Variants in OXR1 observed in about 807,000 individuals in gnomAD.
OXR1 encodes the protein oxidation resistance 1.
A neutral mutation model predicts 104.6 loss-of-function variants in OXR1; 41 were observed. That is an observed-to-expected ratio of 0.39 (90% CI 0.31 to 0.51). The LOEUF (loss-of-function observed/expected upper bound fraction) is 0.51, where lower values mean the gene tolerates loss of function less well. OXR1 is among the 20% of genes least tolerant of loss of function. The pLI, the probability that OXR1 is intolerant of heterozygous loss-of-function variation, is 0.77. For missense variants in OXR1, 955 were observed against 1,031.9 expected, an observed-to-expected ratio of 0.93 and a Z score of 1.02; for synonymous variants, 348 against 348.4, an observed-to-expected ratio of 1.00 and a Z score of 0.01.
intron 5 of OXR1, 89 bp from the exon 6 acceptor site, chr8:106,684,157 G>A (rs1010587264): frequency 3.1e-5 from 19 of 603,524 alleles, no homozygotes; most frequent in Non-Finnish European, 5.3e-5. Context: ...TGTTTAATTG[G>A]TAATTGTTAA....
chr8:106,415,477 T>C (rs1818631531), intron 2 of OXR1, among the ~76,000 whole-genome samples: 1 of 150,678 alleles, frequency 6.6e-6, no homozygotes, highest in African/African-American at 2.4e-5. Context: ...TCCTTTACCA[T>C]TTGGTAATTT....
intron 3 of OXR1, among the ~76,000 whole-genome samples, chr8:106,553,078 GA>G (rs989519515): frequency 1.3e-5 from 2 of 151,764 alleles, no homozygotes. Flanking sequence ...ACCAAAGAGA[GA>G]AAAAAAATTG....
At chr8:106,608,620 G>A (rs60089085) in intron 3 of OXR1, among the ~76,000 whole-genome samples, 1,839 of 152,278 alleles carry the variant, frequency 0.012, 47 homozygotes, top group African/African-American at 0.041. Flanking sequence ...TTGAGTCACA[G>A]TAAGTTAGAG....
At chr8:106,702,193 C>CCCA (rs1830643015) in intron 7 of OXR1, among the ~76,000 whole-genome samples, 1 of 152,166 alleles carries the variant, frequency 6.6e-6, no homozygotes, top group Admixed American at 6.5e-5. Flanking sequence ...CTCCTGGCCT[C>CCCA]AAGTGATCCA....
intron 1 of OXR1, among the ~76,000 whole-genome samples, chr8:106,356,057 G>A (rs1815955059): frequency 6.6e-6 from 1 of 152,152 alleles, no homozygotes; most frequent in South Asian, 2.1e-4. Flanking sequence ...TTGCAGAAAA[G>A]TTCTAGAGGA....
chr8:106,442,828 G>A (rs1010473242), intron 2 of OXR1, among the ~76,000 whole-genome samples: 21 of 151,872 alleles, frequency 1.4e-4, no homozygotes, highest in Admixed American at 7.9e-4. Context: ...TCTAGCTATC[G>A]GTCTATCTAT....
At chr8:106,635,386 A>ATT (rs1335907031) in intron 3 of OXR1, among the ~76,000 whole-genome samples, 1 of 152,130 alleles carries the variant, frequency 6.6e-6, no homozygotes, top group Non-Finnish European at 1.5e-5. Context: ...CTTTTCATAA[A>ATT]TTTGTTTTTA....
intron 1 of OXR1, among the ~76,000 whole-genome samples, chr8:106,280,400 C>A (rs1271686301): frequency 6.6e-6 from 1 of 152,124 alleles, no homozygotes; most frequent in African/African-American, 2.4e-5. Context: ...TGGGGAAAAT[C>A]TGCTTCATGC....
chr8:106,297,135 A>G lies in OXR1; in HGVS notation c.-139+26768A>G, dbSNP rs147856349. Among the ~76,000 whole-genome samples the G allele has an allele frequency of 6.6e-4, 101 of 152,298 alleles. 1 individual carries two copies. The highest frequency in any genetic ancestry group is 5.2e-3 in the Admixed American group (80 of 15,288). Reference sequence around the variant, plus strand: ...ATTATGAATACAGTAATCTGTATATAGCAATCCGTGTGGCTGATTACTCAT... The same window carrying G: ...ATTATGAATACAGTAATCTGTATATGGCAATCCGTGTGGCTGATTACTCAT... On this transcript the variant is annotated intron_variant, in intron 1 of 16. Transcript: ENST00000517566.
chr8:106,680,738 T>A (rs1563698922), intron 4 of OXR1, among the ~76,000 whole-genome samples: 1 of 152,210 alleles, frequency 6.6e-6, no homozygotes, highest in Non-Finnish European at 1.5e-5. Context: ...AAACTTTTTT[T>A]CTATCCCTCC....
intron 3 of OXR1, among the ~76,000 whole-genome samples, chr8:106,630,083 CTT>C (rs1442897721): frequency 2.0e-5 from 3 of 152,070 alleles, no homozygotes; most frequent in Non-Finnish European, 2.9e-5. Flanking sequence ...TGTGGCTTAG[CTT>C]TCTCTGGGAG....
At chr8:106,665,313 A>G (rs1195974979) in intron 3 of OXR1, among the ~76,000 whole-genome samples, 3 of 152,214 alleles carry the variant, frequency 2.0e-5, no homozygotes, top group Admixed American at 6.5e-5. Context: ...GTACCTGGAG[A>G]AAACCTATAC....
intron 2 of OXR1, among the ~76,000 whole-genome samples, chr8:106,408,800 G>T (rs548840508): frequency 6.6e-6 from 1 of 152,296 alleles, no homozygotes; most frequent in African/African-American, 2.4e-5. Context: ...CTAGGTGACT[G>T]CCTGGCTCTA....
chr8:106,340,219 A>G (rs1815185074), intron 1 of OXR1, among the ~76,000 whole-genome samples: 1 of 128,904 alleles, frequency 7.8e-6, no homozygotes, highest in Non-Finnish European at 1.6e-5. Flanking sequence ...GTGAGGGAAA[A>G]GAAAAAAAAA....
chr8:106,736,886 G>A (rs892883885), intron 11 of OXR1, among the ~76,000 whole-genome samples: 3 of 152,080 alleles, frequency 2.0e-5, no homozygotes, highest in African/African-American at 4.8e-5. Context: ...GTCATTTAAA[G>A]GGCTGAAGCA....
chr8:106,340,194 GTGATTGGAACAGT>G (rs796951034), intron 1 of OXR1, among the ~76,000 whole-genome samples: 51 of 148,716 alleles, frequency 3.4e-4, no homozygotes, highest in African/African-American at 1.3e-3. Flanking sequence ...CTGATAGGAT[GTGATTGGAACAGT>G]TGTGAGGGAA....
chr8:106,592,739 G>C (rs529474232), intron 3 of OXR1, among the ~76,000 whole-genome samples: 1 of 152,170 alleles, frequency 6.6e-6, no homozygotes, highest in Admixed American at 6.5e-5. Flanking sequence ...GCAGAGGCCA[G>C]GTCATGGTAG....
At chr8:106,599,859 G>A (rs1819830079) in intron 3 of OXR1, among the ~76,000 whole-genome samples, 1 of 152,118 alleles carries the variant, frequency 6.6e-6, no homozygotes, top group African/African-American at 2.4e-5. Flanking sequence ...TTGGGGAGAT[G>A]GTTTCTGGAT....
In OXR1 at chr8:106,737,609, T is replaced by C; in HGVS notation, c.2037+9T>C. On this transcript the variant is annotated intron_variant, in intron 12 of 16. Transcript: ENST00000517566. ...TCTGCAGACGCCTCCAGGTGCCCCCTTCAGTAGTTTAAACCCCTCCAGAGA... is the reference window on the plus strand; with the variant it reads ...TCTGCAGACGCCTCCAGGTGCCCCCCTCAGTAGTTTAAACCCCTCCAGAGA... 7.6e-7 allele frequency: 1 copy of C among 1,321,040 alleles called. No homozygotes were observed. Among genetic ancestry groups the C allele is most frequent in the African/African-American group, 1.5e-5 (1 of 67,684 alleles). The allele number at this position is 1,321,040 out of a possible 1,614,324, so 81.8% of individuals were successfully genotyped here. A position where few individuals can be genotyped will look rare whatever the true frequency, so the allele number is the denominator to read the frequency against.
Sources: gnomAD v4.1 joint callset for allele counts (sites outside exome capture counted in the v4.1 genomes callset) on GRCh38, gnomAD v4.1.1 for gene constraint, MANE v1.5 for transcripts, NCBI Gene and HGNC (gene_info 2026-07-23, HGNC 2026-07-21) for gene names.